KCNS3: variants seen among roughly 807,000 people sequenced by gnomAD.
The protein encoded by KCNS3 is delayed-rectifier potassium channel regulatory subunit KCNS3.
KCNS3 carries 13 observed loss-of-function variants against 31.0 expected under a neutral mutation model. The ratio of observed to expected loss-of-function variants is 0.42; its 90% CI spans 0.27 to 0.67. The LOEUF (loss-of-function observed/expected upper bound fraction) is 0.67, where lower values mean the gene tolerates loss of function less well. Among genes scored for constraint, KCNS3 ranks in the 30% least tolerant of loss-of-function variants. KCNS3 has a pLI of 0.25. For synonymous variants in KCNS3, 238 were observed against 241.5 expected (o/e 0.99, Z 0.13); for missense variants, 545 against 622.4 (o/e 0.88, Z 1.32).
chr2:17,887,798 A>G (rs1172785328), intron 1 of KCNS3, among the ~76,000 whole-genome samples: 2 of 152,188 alleles, frequency 1.3e-5, no homozygotes, highest in Admixed American at 6.5e-5. Flanking sequence ...CCAGCAGTGT[A>G]GAAGTGTCCC....
intron 2 of KCNS3, among the ~76,000 whole-genome samples, chr2:17,922,339 T>C (rs1396058838): frequency 6.6e-6 from 1 of 152,062 alleles, no homozygotes; most frequent in African/African-American, 2.4e-5. Context: ...ACTTATTAGC[T>C]GGAATCCCTA....
chr2:17,890,373 A>AG (rs1661816779), intron 1 of KCNS3, among the ~76,000 whole-genome samples: 1 of 141,584 alleles, frequency 7.1e-6, no homozygotes, highest in Admixed American at 7.5e-5. Context: ...TCAAAGAACC[A>AG]GCTTTTTGTT....
chr2:17,931,347 T>C lies in KCNS3; in HGVS notation c.339T>C (p.Ile113=). The change falls in exon 3 of 3, where the codon ATT becomes ATC. Residue 113 remains isoleucine, a synonymous_variant. Coordinates refer to ENST00000304101, the MANE Select transcript of KCNS3 (RefSeq NM_002252.5). This position sits in a 1 kb window ranked among gnomAD's most constrained non-coding sequence, Gnocchi z 5.4. The stretch of plus-strand genomic sequence containing the variant: ...ACTGGGGCATCAACGAGCTCTTCAT[T>C]GATTCTTGCTGCAGCAATCGCTACC... ...IEYWGINELF[I]DSCCSNRYQE... The C allele has an allele frequency of 6.2e-7, 1 of 1,614,176 alleles. No homozygotes were observed. The highest frequency in any genetic ancestry group is 8.5e-7 in the Non-Finnish European group (1 of 1,180,034).
At chr2:17,880,177 T>C (rs1262050631) in intron 1 of KCNS3, among the ~76,000 whole-genome samples, 1 of 152,252 alleles carries the variant, frequency 6.6e-6, no homozygotes, top group East Asian at 1.9e-4. Flanking sequence ...TGAAGGCATA[T>C]GCCCTCGTGC....
intron 1 of KCNS3, among the ~76,000 whole-genome samples, chr2:17,892,165 G>A (rs988847762): frequency 4.0e-5 from 6 of 151,828 alleles, no homozygotes; most frequent in Admixed American, 2.0e-4. Context: ...GGGTTAATTC[G>A]AAGACCTTGT....
chr2:17,888,163 A>G (rs1243947222), intron 1 of KCNS3, among the ~76,000 whole-genome samples: 1 of 152,078 alleles, frequency 6.6e-6, no homozygotes, highest in Non-Finnish European at 1.5e-5. Context: ...TCCTTTTGCC[A>G]TGTGAAAGCT....
chr2:17,927,205 G>C (rs1662858557), intron 2 of KCNS3, among the ~76,000 whole-genome samples: 1 of 152,188 alleles, frequency 6.6e-6, no homozygotes. Flanking sequence ...GTCCCAATCA[G>C]TTTTTCATCT....
chr2:17,916,711 C>T (rs73918986), intron 1 of KCNS3, among the ~76,000 whole-genome samples: 4,290 of 152,192 alleles, frequency 0.028, 156 homozygotes, highest in African/African-American at 0.084. Context: ...CCTGAGAGCT[C>T]TTGAGGGACT....
chr2:17,931,250 A>G lies in KCNS3; in HGVS notation c.242A>G (p.Asn81Ser). The change falls in exon 3 of 3, where the codon AAT becomes AGT. Residue 81 changes from asparagine (N) to serine (S), a missense_variant. Physicochemically the swap from Asn to Ser is conservative, Grantham distance 46. Transcript: ENST00000304101. This position sits in a 1 kb window ranked among gnomAD's most constrained non-coding sequence, Gnocchi z 5.4. ...RNPSLFRYVLNFYYTGKLHVM... is the reference protein window; with the variant it reads ...RNPSLFRYVLSFYYTGKLHVM... ...CCCTCCTTGTTCAGATATGTTTTGA[A>G]TTTTTATTACACGGGGAAGCTGCAT... 5 of 1,614,112 alleles carry G rather than the reference A, an allele frequency of 3.1e-6. No individual in the cohort carries two copies. Among genetic ancestry groups the G allele is most frequent in the South Asian group, 1.1e-5 (1 of 91,076 alleles).
At chr2:17,914,425 C>T (rs528107191) in intron 1 of KCNS3, among the ~76,000 whole-genome samples, 1 of 152,264 alleles carries the variant, frequency 6.6e-6, no homozygotes, top group South Asian at 2.1e-4. Flanking sequence ...TTGAGATGTC[C>T]CACCATTTGG....
intron 1 of KCNS3, chr2:17,879,608 A>G (rs1674593025): frequency 6.6e-6 from 1 of 151,970 alleles, no homozygotes; most frequent in East Asian, 1.9e-4. Flanking sequence ...CAAGCGAGCC[A>G]GTCTTGCCGG....
rs367935090 is a variant in KCNS3, at chr2:17,931,738, G to T, written c.730G>T (p.Ala244Ser). 3.7e-6 allele frequency: 6 copies of T among 1,613,876 alleles called. No individual in the cohort carries two copies. Among genetic ancestry groups the T allele is most frequent in the South Asian group, 3.3e-5 (3 of 91,034 alleles). The change falls in exon 3 of 3, where the codon GCT (alanine) becomes TCT (serine). Residue 244 changes from alanine (A) to serine (S), a missense_variant. Coordinates refer to ENST00000304101, the MANE Select transcript of KCNS3 (RefSeq NM_002252.5). The surrounding 1 kb of genome is among the most constrained non-coding windows in gnomAD (Gnocchi z 5.4). ...GGAGCTTGCCGTCCGGCTGGCTGCC[G>T]CTCCTTGTCAAAAGAAATTCTGGAA... The part of the protein sequence containing the change: ...TGELAVRLAA[A>S]PCQKKFWKNP...
chr2:17,912,622 G>GCGTC (rs1265156185), intron 1 of KCNS3, among the ~76,000 whole-genome samples: 2 of 152,190 alleles, frequency 1.3e-5, no homozygotes, highest in African/African-American at 4.8e-5. Flanking sequence ...CAACACAGCT[G>GCGTC]CGTCCCTGCT....
intron 1 of KCNS3, among the ~76,000 whole-genome samples, chr2:17,914,161 T>C (rs1215437614): frequency 7.2e-5 from 11 of 152,310 alleles, no homozygotes; most frequent in South Asian, 6.2e-4. Flanking sequence ...TTGACTTGCA[T>C]TGAAACTCAC....
intron 1 of KCNS3, among the ~76,000 whole-genome samples, chr2:17,890,601 T>C (rs968899257): frequency 1.3e-5 from 2 of 152,162 alleles, no homozygotes; most frequent in African/African-American, 4.8e-5. Flanking sequence ...CTTTGCTGTA[T>C]CCCAGAGGTT....
chr2:17,918,604 A>G (rs1382053000), intron 2 of KCNS3, among the ~76,000 whole-genome samples: 1 of 152,206 alleles, frequency 6.6e-6, no homozygotes, highest in Non-Finnish European at 1.5e-5. Flanking sequence ...AAGTAGTAAT[A>G]GCCTTTGTTA....
intron 2 of KCNS3, among the ~76,000 whole-genome samples, chr2:17,928,850 T>G (rs1662893542): frequency 1.3e-5 from 2 of 152,198 alleles, no homozygotes; most frequent in Non-Finnish European, 2.9e-5. Flanking sequence ...GTCCCTTTTT[T>G]TTTCCCAATC....
chr2:17,897,035 C>T (rs761156346), intron 1 of KCNS3, among the ~76,000 whole-genome samples: 1 of 151,426 alleles, frequency 6.6e-6, no homozygotes, highest in Non-Finnish European at 1.5e-5. Flanking sequence ...TCAACCCTTG[C>T]CCCCCTTGCT....
intron 1 of KCNS3, among the ~76,000 whole-genome samples, chr2:17,914,267 A>G (rs2125247099): frequency 6.6e-6 from 1 of 152,358 alleles, no homozygotes; most frequent in South Asian, 2.1e-4. Context: ...TGTTGGCCGC[A>G]TAGCTCGTTT....
Sources: allele counts gnomAD v4.1 joint callset (sites outside exome capture counted in the v4.1 genomes callset), GRCh38; gene constraint gnomAD v4.1.1; non-coding constraint Gnocchi (gnomAD v3.1); transcripts MANE v1.5; gene names NCBI Gene and HGNC (gene_info 2026-07-23, HGNC 2026-07-21).